The following GRK5 variants were observed in gnomAD, a reference collection of about 807,000 sequenced individuals.
The protein encoded by GRK5 is g protein-coupled receptor kinase GRK5.
Under a neutral mutation model 78.4 loss-of-function variants are expected in GRK5, and 40 were observed. That is an observed-to-expected ratio of 0.51 (90% CI 0.40 to 0.66). The LOEUF (loss-of-function observed/expected upper bound fraction) is 0.66. Ranked by LOEUF, GRK5 falls within the 30% of genes least tolerant of loss-of-function variation. GRK5 has a pLI of 0.00. For missense variants in GRK5, 598 were observed against 759.9 expected (o/e 0.79, Z 2.50); for synonymous variants, 289 against 296.8 (o/e 0.97, Z 0.27).
chr10:119,435,568 C>T (rs891059978), intron 8 of GRK5, among the ~76,000 whole-genome samples: 3 of 152,192 alleles, frequency 2.0e-5, no homozygotes, highest in Non-Finnish European at 4.4e-5. Flanking sequence ...ACAAGTTCCT[C>T]GTTTCCATCT....
intron 2 of GRK5, among the ~76,000 whole-genome samples, chr10:119,370,722 G>T (rs370237559): frequency 6.6e-6 from 1 of 152,020 alleles, no homozygotes; most frequent in Non-Finnish European, 1.5e-5. Context: ...AGCTGTTTTC[G>T]AATCACTTCT....
intron 13 of GRK5, among the ~76,000 whole-genome samples, chr10:119,450,944 C>A (rs571280714): frequency 6.6e-6 from 1 of 150,486 alleles, no homozygotes; most frequent in African/African-American, 2.5e-5. Flanking sequence ...TGCACGCCAA[C>A]CCCCAGTCAT....
chr10:119,373,789 C>T (rs147249101), intron 2 of GRK5, among the ~76,000 whole-genome samples: 118 of 152,234 alleles, frequency 7.8e-4, no homozygotes, highest in African/African-American at 2.6e-3. Context: ...TAGACTTGCT[C>T]GACACGGGGT....
chr10:119,275,112 T>C (rs1203169331), intron 1 of GRK5, among the ~76,000 whole-genome samples: 1 of 152,172 alleles, frequency 6.6e-6, no homozygotes, highest in East Asian at 1.9e-4. Context: ...TCCTGGCACA[T>C]GGGCTCAGCT....
intron 4 of GRK5, 94 bp downstream of exon 4, chr10:119,396,866 G>A: frequency 1.1e-6 from 1 of 930,972 alleles, no homozygotes; most frequent in Non-Finnish European, 1.8e-6. Flanking sequence ...ATGGGGAGCT[G>A]TTAAGTGCTG....
intron 1 of GRK5, among the ~76,000 whole-genome samples, chr10:119,310,413 A>T (rs970294904): frequency 6.6e-6 from 1 of 152,192 alleles, no homozygotes; most frequent in Non-Finnish European, 1.5e-5. Flanking sequence ...AAAGTGACCA[A>T]ATTTGGGCCT....
chr10:119,374,939 G>A (rs1320927841), intron 2 of GRK5, among the ~76,000 whole-genome samples: 2 of 152,142 alleles, frequency 1.3e-5, no homozygotes, highest in African/African-American at 2.4e-5. Flanking sequence ...TATGCTTCCT[G>A]TACAGCCTGT....
At chr10:119,408,227 C>T (rs1852275938) in intron 4 of GRK5, among the ~76,000 whole-genome samples, 1 of 147,418 alleles carries the variant, frequency 6.8e-6, no homozygotes, top group Non-Finnish European at 1.5e-5. Context: ...GTAGTCCTTG[C>T]TACACAGGAA....
At chr10:119,226,583 T>C (rs1025264943) in intron 1 of GRK5, among the ~76,000 whole-genome samples, 12 of 148,600 alleles carry the variant, frequency 8.1e-5, no homozygotes, top group Admixed American at 2.0e-4. Context: ...GTCTCACGCT[T>C]GCCCAGGCTG....
chr10:119,381,860 C>T (rs1198628962), intron 3 of GRK5, among the ~76,000 whole-genome samples: 1 of 152,188 alleles, frequency 6.6e-6, no homozygotes, highest in Non-Finnish European at 1.5e-5. Context: ...GGGGGACAAC[C>T]CTTTAGGGTT....
chr10:119,261,084 G>A (rs1311719858), intron 1 of GRK5, among the ~76,000 whole-genome samples: 14 of 59,490 alleles, frequency 2.4e-4, no homozygotes, highest in African/African-American at 6.0e-4. Flanking sequence ...GGGCGGAGAC[G>A]CTCCTCACTT....
At chr10:119,371,423 A>C (rs1851545378) in intron 2 of GRK5, among the ~76,000 whole-genome samples, 1 of 152,228 alleles carries the variant, frequency 6.6e-6, no homozygotes, top group Admixed American at 6.5e-5. Flanking sequence ...ATTTCATGTC[A>C]CTCGAAAAGA....
chr10:119,453,113 C>CG (rs1221882444), intron 14 of GRK5, 32 bp from the exon 15 acceptor site: 1 of 1,380,406 alleles, frequency 7.2e-7, no homozygotes, highest in Non-Finnish European at 1.0e-6. Context: ...CCCCAGTTGA[C>CG]GGCCTGTGTT....
intron 2 of GRK5, among the ~76,000 whole-genome samples, chr10:119,358,403 G>A (rs911526433): frequency 7.2e-5 from 11 of 152,156 alleles, no homozygotes; most frequent in Non-Finnish European, 1.3e-4. Flanking sequence ...ATGCTGAGTG[G>A]TGGTGCCAGG....
chr10:119,455,386 T>G lies in GRK5; in HGVS notation c.*319T>G, dbSNP rs1293356933. 3.9e-6 allele frequency: 2 copies of G among 514,068 alleles called. No homozygotes were observed. Among genetic ancestry groups the G allele is most frequent in the Admixed American group, 6.4e-5 (2 of 31,086 alleles). The allele number at this position is 514,068 out of a possible 1,614,324, so 31.8% of individuals were successfully genotyped here. ...TAGAACTGAATTTTGTCTTTATGAT[T>G]TTTAAAGAAAAGTTTTGTAAATTTC... On this transcript the variant is annotated 3_prime_UTR_variant, in exon 16 of 16. Transcript: ENST00000392870.
At chr10:119,227,047 C>T (rs757167926) in intron 1 of GRK5, among the ~76,000 whole-genome samples, 2 of 151,992 alleles carry the variant, frequency 1.3e-5, no homozygotes, top group Admixed American at 6.6e-5. Context: ...TTAGTAAAGA[C>T]GTTTCACTGT....
chr10:119,323,768 G>T (rs746800201), intron 1 of GRK5, among the ~76,000 whole-genome samples: 21 of 152,170 alleles, frequency 1.4e-4, no homozygotes, highest in Non-Finnish European at 2.6e-4. Flanking sequence ...CTTTAGTGGT[G>T]ATTTCTGAGA....
At chr10:119,309,993 A>T (rs1302173646) in intron 1 of GRK5, among the ~76,000 whole-genome samples, 1 of 152,072 alleles carries the variant, frequency 6.6e-6, no homozygotes, top group African/African-American at 2.4e-5. Flanking sequence ...GAGGTGGAGC[A>T]TGGAGGCCAC....
intron 1 of GRK5, among the ~76,000 whole-genome samples, chr10:119,214,232 C>T (rs1428254579): frequency 1.3e-5 from 2 of 152,192 alleles, no homozygotes; most frequent in East Asian, 3.9e-4. Context: ...GCCTTGGCCT[C>T]TCAAAGTGCT....
Sources: gnomAD v4.1 joint callset for allele counts (sites outside exome capture counted in the v4.1 genomes callset) on GRCh38, gnomAD v4.1.1 for gene constraint, MANE v1.5 for transcripts, NCBI Gene and HGNC (gene_info 2026-07-23, HGNC 2026-07-21) for gene names.